EFHB: variants seen among roughly 807,000 people sequenced by gnomAD.
EFHB encodes EF-hand domain-containing family member B.
A neutral mutation model predicts 87.2 loss-of-function variants in EFHB; 91 were observed. The observed-to-expected ratio is 1.04, with a 90% confidence interval of 0.88 to 1.24. EFHB has a LOEUF of 1.24. EFHB is among the 50% of genes most tolerant of loss of function. EFHB has a pLI of 0.00. For missense variants in EFHB, 1,084 were observed against 998.8 expected (o/e 1.09, Z -1.15); for synonymous variants, 325 against 333.6 (o/e 0.97, Z 0.28).
chr3:19,935,388 T>C (rs1037363574), upstream of EFHB, among the ~76,000 whole-genome samples: 1 of 152,160 alleles, frequency 6.6e-6, no homozygotes, highest in African/African-American at 2.4e-5. Flanking sequence ...GTTCTACACA[T>C]ATAGGATATG....
intron 1 of EFHB, 112 bp from the exon 2 acceptor site, chr3:19,920,679 G>C: frequency 1.3e-6 from 1 of 754,752 alleles, no homozygotes; most frequent in South Asian, 2.1e-5. Context: ...AGTTACTTTT[G>C]ACTAACATAA....
intron 1 of EFHB, among the ~76,000 whole-genome samples, chr3:19,946,565 C>A (rs554477830): frequency 1.3e-5 from 2 of 152,192 alleles, no homozygotes; most frequent in Non-Finnish European, 2.9e-5. Context: ...TATTGTCAGG[C>A]GCCTAAAGGC....
chr3:19,894,685 T>A (rs919991246), intron 9 of EFHB: 2 of 152,138 alleles, frequency 1.3e-5, no homozygotes, highest in African/African-American at 4.8e-5. Flanking sequence ...CATATTGAGT[T>A]AACTATTAAA....
chr3:19,921,157 C>T (rs1559468080), intron 1 of EFHB, among the ~76,000 whole-genome samples: 1 of 152,128 alleles, frequency 6.6e-6, no homozygotes, highest in Non-Finnish European at 1.5e-5. Context: ...AGAGAACAAA[C>T]AGACAAAAGC....
intron 1 of EFHB, 114 bp from the exon 2 acceptor site, chr3:19,920,681 C>A: frequency 1.3e-6 from 1 of 742,862 alleles, no homozygotes. Context: ...TTACTTTTGA[C>A]TAACATAAAA....
At chr3:19,895,403 C>T (rs897413897) in intron 9 of EFHB, among the ~76,000 whole-genome samples, 1 of 151,654 alleles carries the variant, frequency 6.6e-6, no homozygotes, top group South Asian at 2.1e-4. Context: ...ATGGCGTGAA[C>T]CCGGGAGGCG....
rs1478338212 is a variant in EFHB at position 19,915,359 on chromosome 3, T to C, written c.1232A>G (p.Lys411Arg). Residue 411 changes from lysine (K) to arginine (R), a missense_variant, in exon 5 of 13, where the codon AAA becomes AGA. Coordinates refer to ENST00000295824, the MANE Select transcript of EFHB (RefSeq NM_144715.4). The stretch of plus-strand genomic sequence containing the variant: ...CAAATCATGTCCTTCATTTCCTTCT[T>C]TAAATACTTCTTCATAGGATTTTGG... The part of the protein sequence containing the change: ...NPPKSYEEVF[K>R]EGNEGHDLYV... 11 of 1,613,414 alleles carry C rather than the reference T, an allele frequency of 6.8e-6. No individual in the cohort carries two copies. Among genetic ancestry groups the C allele is most frequent in the Middle Eastern group, 3.3e-4 (2 of 6,062 alleles).
At position 19,896,671 on chromosome 3, in the gene EFHB, C is replaced by T. The variant is rs777774745; in HGVS notation, c.1725+16G>A. 1 of 1,613,966 alleles carries T rather than the reference C, an allele frequency of 6.2e-7. No individual in the cohort carries two copies. Among genetic ancestry groups the T allele is most frequent in the South Asian group, 1.1e-5 (1 of 91,074 alleles). On this transcript the variant is annotated intron_variant, in intron 9 of 12. Coordinates refer to ENST00000295824, the MANE Select transcript of EFHB (RefSeq NM_144715.4). ...TAAGCCCATGCATTACCAAAAAGCT[C>T]TCCCCCATTACTGGCCTTGTCATAG... is the stretch of plus-strand genomic sequence containing the variant.
At chr3:19,913,694 T>C (rs188964595) in intron 5 of EFHB, among the ~76,000 whole-genome samples, 1 of 152,072 alleles carries the variant, frequency 6.6e-6, no homozygotes, top group Non-Finnish European at 1.5e-5. Context: ...TTTTAAAAAA[T>C]CCTAAAGTGT....
chr3:19,909,749 GC>G (rs1451994134), intron 5 of EFHB, among the ~76,000 whole-genome samples: 2 of 152,122 alleles, frequency 1.3e-5, no homozygotes, highest in Non-Finnish European at 2.9e-5. Context: ...CACCACCTCA[GC>G]CACAGCAAGA....
At chr3:19,943,052 A>G (rs903087432) in intron 1 of EFHB, 2 of 325,196 alleles carry the variant, frequency 6.2e-6, no homozygotes, top group South Asian at 3.4e-5. Flanking sequence ...CCAATGCTTC[A>G]TATCAGACTG....
At chr3:19,909,960 G>A (rs1051086970) in intron 5 of EFHB, among the ~76,000 whole-genome samples, 4 of 152,108 alleles carry the variant, frequency 2.6e-5, no homozygotes, top group Non-Finnish European at 5.9e-5. Context: ...CAGGGCCCAG[G>A]TAGTATATCA....
In EFHB at chr3:19,882,743, A is replaced by T. The variant is rs778598032; in HGVS notation, c.2147-12T>A. On this transcript the variant is annotated splice_polypyrimidine_tract_variant and intron_variant, in intron 11 of 12. Transcript: ENST00000295824. ...ACAAATGGGGTAACCTAGGTCATTGATGAGGGAAGAAAACAGACATTCTAA... is the reference window on the plus strand; with the variant it reads ...ACAAATGGGGTAACCTAGGTCATTGTTGAGGGAAGAAAACAGACATTCTAA... The T allele has an allele frequency of 1.1e-5, 17 of 1,606,582 alleles. No homozygotes were observed. The highest frequency in any genetic ancestry group is 1.4e-5 in the Non-Finnish European group (17 of 1,175,210).
At chr3:19,920,013 A>C (rs779649585) in intron 2 of EFHB, 37 bp from the exon 3 acceptor site, 3 of 1,608,818 alleles carry the variant, frequency 1.9e-6, no homozygotes, top group Non-Finnish European at 2.5e-6. Flanking sequence ...TATTAAGTAC[A>C]GTTTCTAAAA....
At chr3:19,943,860 C>T (rs562798842) in intron 1 of EFHB, among the ~76,000 whole-genome samples, 1 of 152,096 alleles carries the variant, frequency 6.6e-6, no homozygotes, top group Non-Finnish European at 1.5e-5. Flanking sequence ...TGGAACGATG[C>T]GTAATATCAT....
chr3:19,898,628 A>C (rs902042733), intron 8 of EFHB, 150 bp downstream of exon 8: 7 of 805,176 alleles, frequency 8.7e-6, no homozygotes, highest in Non-Finnish European at 1.4e-5. Context: ...TCTGTGTTAT[A>C]CACTTTTCTC....
rs1696143837 is a variant in EFHB at position 19,940,948 on chromosome 3, G to A, written c.-31-4614C>T. On this transcript the variant is annotated intron_variant, in intron 1 of 14. Coordinates refer to the EFHB transcript ENST00000344838. Reference sequence around the variant, plus strand: ...GGTAGTATTATGCTTAATGAGAACAGTCATGACTACACCATCGGTTTCAAT... The same window carrying A: ...GGTAGTATTATGCTTAATGAGAACAATCATGACTACACCATCGGTTTCAAT... 11 of 330,420 alleles carry A rather than the reference G, an allele frequency of 3.3e-5. No individual in the cohort carries two copies. The South Asian group carries it at 3.8e-4, about 12-fold the overall frequency. The allele number at this position is 330,420 out of a possible 1,614,324, so 20.5% of individuals were successfully genotyped here. A position where few individuals can be genotyped will look rare whatever the true frequency, so the allele number is the denominator to read the frequency against.
intron 5 of EFHB, among the ~76,000 whole-genome samples, chr3:19,906,174 C>T (rs1694836851): frequency 6.6e-6 from 1 of 152,006 alleles, no homozygotes; most frequent in African/African-American, 2.4e-5. Context: ...TCTAAAAATT[C>T]AAAAATTAGC....
At chr3:19,885,177 G>C (rs921974513) in intron 10 of EFHB, among the ~76,000 whole-genome samples, 1 of 150,938 alleles carries the variant, frequency 6.6e-6, no homozygotes, top group African/African-American at 2.4e-5. Context: ...AGCCGAGATC[G>C]CGCCATTGCA....
Sources: gnomAD v4.1 joint callset for allele counts (sites outside exome capture counted in the v4.1 genomes callset) on GRCh38, gnomAD v4.1.1 for gene constraint, MANE v1.5 for transcripts, NCBI Gene and HGNC (gene_info 2026-07-23, HGNC 2026-07-21) for gene names.